Variants in SLC2A13 observed in about 807,000 individuals in gnomAD.
The protein encoded by SLC2A13 is solute carrier family 2 member 13.
Under a neutral mutation model 64.4 loss-of-function variants are expected in SLC2A13, and 32 were observed. The observed-to-expected ratio is 0.50, with a 90% CI of 0.37 to 0.67. The LOEUF is 0.67. Ranked by LOEUF, SLC2A13 falls within the 30% of genes least tolerant of loss-of-function variation. SLC2A13 has a pLI of 0.00. For synonymous variants in SLC2A13, 338 were observed against 327.1 expected (o/e 1.03, Z -0.36); for missense variants, 743 against 829.2 (o/e 0.90, Z 1.28).
At chr12:40,093,433 C>T (rs758783025) in intron 1 of SLC2A13, among the ~76,000 whole-genome samples, 6 of 152,094 alleles carry the variant, frequency 3.9e-5, no homozygotes, top group Non-Finnish European at 8.8e-5. Flanking sequence ...AATGGTGGAA[C>T]AGCAATAAAC....
At chr12:39,783,001 T>C (rs1302058048) in intron 7 of SLC2A13, among the ~76,000 whole-genome samples, 1 of 152,158 alleles carries the variant, frequency 6.6e-6, no homozygotes, top group Non-Finnish European at 1.5e-5. Flanking sequence ...CTTATGTCTC[T>C]TAATGCTATC....
At chr12:39,970,576 G>A (rs1429098024) in intron 3 of SLC2A13, among the ~76,000 whole-genome samples, 1 of 151,958 alleles carries the variant, frequency 6.6e-6, no homozygotes, top group Non-Finnish European at 1.5e-5. Flanking sequence ...TACCCTTAAT[G>A]CAGGCCATCT....
intron 3 of SLC2A13, among the ~76,000 whole-genome samples, chr12:40,000,448 T>C (rs947711793): frequency 2.6e-5 from 4 of 152,216 alleles, no homozygotes; most frequent in Non-Finnish European, 4.4e-5. Flanking sequence ...ACAGTCCTAA[T>C]GACCGACACA....
At chr12:40,103,817 G>T (rs1324017341) in intron 1 of SLC2A13, among the ~76,000 whole-genome samples, 2 of 152,188 alleles carry the variant, frequency 1.3e-5, no homozygotes, top group African/African-American at 4.8e-5. Context: ...GGTCCTGAAG[G>T]CCCAAGTAGT....
intron 1 of SLC2A13, among the ~76,000 whole-genome samples, chr12:40,066,339 G>A (rs1195259483): frequency 2.6e-5 from 4 of 152,084 alleles, no homozygotes; most frequent in Non-Finnish European, 4.4e-5. Context: ...TATCTAAAAC[G>A]TCACTATCCT....
intron 6 of SLC2A13, among the ~76,000 whole-genome samples, chr12:39,856,690 C>T (rs890907287): frequency 2.6e-5 from 4 of 152,122 alleles, no homozygotes; most frequent in Admixed American, 1.3e-4. Flanking sequence ...TTTAAATAAA[C>T]CACATTTGGT....
chr12:40,055,269 T>C (rs767367378), intron 1 of SLC2A13, among the ~76,000 whole-genome samples: 28 of 152,206 alleles, frequency 1.8e-4, no homozygotes, highest in Non-Finnish European at 4.0e-4. Context: ...AGATTCTCTC[T>C]GTGGAGATAA....
intron 3 of SLC2A13, among the ~76,000 whole-genome samples, chr12:40,023,377 G>C (rs1565594156): frequency 6.6e-6 from 1 of 152,150 alleles, no homozygotes; most frequent in Non-Finnish European, 1.5e-5. Flanking sequence ...GGGCCAGGGG[G>C]CTTCTTCTGA....
At chr12:39,871,675 T>C (rs1177884733) in intron 5 of SLC2A13, 123 bp downstream of exon 5, 6 of 996,206 alleles carry the variant, frequency 6.0e-6, no homozygotes, top group Non-Finnish European at 8.2e-6. Context: ...AGAACTCTAA[T>C]TTTTTTGTTG....
chr12:39,818,618 T>C (rs1942404794), intron 7 of SLC2A13, among the ~76,000 whole-genome samples: 1 of 152,186 alleles, frequency 6.6e-6, no homozygotes, highest in Non-Finnish European at 1.5e-5. Context: ...ACCTTTGAAA[T>C]TCTGTTTCAA....
At chr12:39,805,658 A>C (rs1941955085) in intron 7 of SLC2A13, among the ~76,000 whole-genome samples, 1 of 152,194 alleles carries the variant, frequency 6.6e-6, no homozygotes, top group South Asian at 2.1e-4. Flanking sequence ...CTCCTTAAAA[A>C]CAAAAATCCA....
chr12:39,791,278 G>A (rs1269971737), intron 7 of SLC2A13, among the ~76,000 whole-genome samples: 1 of 125,736 alleles, frequency 8.0e-6, no homozygotes, highest in Admixed American at 8.5e-5. Flanking sequence ...TACTGAATGG[G>A]CAAAAACTGG....
chr12:39,893,424 C>T (rs376973461), intron 4 of SLC2A13, among the ~76,000 whole-genome samples: 24 of 152,296 alleles, frequency 1.6e-4, no homozygotes, highest in South Asian at 1.4e-3. Flanking sequence ...CTCAGCCTCC[C>T]GACTGGCTGG....
intron 6 of SLC2A13, among the ~76,000 whole-genome samples, chr12:39,863,884 T>C (rs1179961238): frequency 1.3e-5 from 2 of 152,230 alleles, no homozygotes; most frequent in African/African-American, 2.4e-5. Context: ...TAGGGTATAA[T>C]GTTTTAATTT....
chr12:39,783,226 T>G (rs952248828), intron 7 of SLC2A13, among the ~76,000 whole-genome samples: 6 of 152,248 alleles, frequency 3.9e-5, no homozygotes, highest in Non-Finnish European at 8.8e-5. Context: ...CTGCATAGTA[T>G]TCCATGGTGT....
chr12:39,776,098 T>C (rs1940766266), intron 7 of SLC2A13, among the ~76,000 whole-genome samples: 1 of 152,312 alleles, frequency 6.6e-6, no homozygotes, highest in Admixed American at 6.5e-5. Flanking sequence ...TCTTCTTCCA[T>C]ATTGCTGTTC....
chr12:40,058,859 A>G (rs995983115), intron 1 of SLC2A13, among the ~76,000 whole-genome samples: 1 of 152,226 alleles, frequency 6.6e-6, no homozygotes, highest in African/African-American at 2.4e-5. Context: ...CACTTCATGA[A>G]CGAGTCAGAT....
At chr12:39,817,564 TGGCAGCTAA>T (rs370845363) in intron 7 of SLC2A13, among the ~76,000 whole-genome samples, 14 of 152,322 alleles carry the variant, frequency 9.2e-5, no homozygotes, top group African/African-American at 3.1e-4. Context: ...AGGCAACTGA[TGGCAGCTAA>T]GGGGGTTAGT....
chr12:40,101,215 C>T (rs1290107323), intron 1 of SLC2A13, among the ~76,000 whole-genome samples: 2 of 151,900 alleles, frequency 1.3e-5, no homozygotes, highest in South Asian at 2.1e-4. Context: ...CAAAATAATG[C>T]CATATTTAAA....
Sources: allele counts gnomAD v4.1 joint callset (sites outside exome capture counted in the v4.1 genomes callset), GRCh38; gene constraint gnomAD v4.1.1; transcripts MANE v1.5; gene names NCBI Gene and HGNC (gene_info 2026-07-23, HGNC 2026-07-21).